MED15: variants seen among roughly 807,000 people sequenced by gnomAD.
The protein encoded by MED15 is mediator complex subunit 15.
A neutral mutation model predicts 118.7 loss-of-function variants in MED15; 41 were observed. That is an observed-to-expected ratio of 0.35 (90% confidence interval 0.27 to 0.45). The LOEUF is 0.45. Ranked by LOEUF, MED15 falls within the 20% of genes least tolerant of loss-of-function variation. The probability of loss-of-function intolerance (pLI) is 1.00; values close to 1 mark genes in which losing one functional copy is unlikely to be tolerated. For synonymous variants in MED15, 436 were observed against 413.9 expected (o/e 1.05, Z -0.65); for missense variants, 740 against 1,025.5 (o/e 0.72, Z 3.80).
intron 9 of MED15, among the ~76,000 whole-genome samples, chr22:20,581,121 C>G (rs1469731455): frequency 1.3e-5 from 2 of 152,214 alleles, no homozygotes; most frequent in Admixed American, 6.5e-5. Flanking sequence ...TGCCTTAGCC[C>G]CCCACCCCCT....
At chr22:20,584,007 A>G in intron 13 of MED15, 1 of 315,346 alleles carries the variant, frequency 3.2e-6, no homozygotes, top group Non-Finnish European at 6.0e-6. Context: ...ATAGAATGCC[A>G]GTCACTATTG....
intron 9 of MED15, among the ~76,000 whole-genome samples, chr22:20,576,446 C>T (rs2056826429): frequency 6.6e-6 from 1 of 152,238 alleles, no homozygotes; most frequent in South Asian, 2.1e-4. Flanking sequence ...AAGCCTGGTG[C>T]CACACACCAC....
intron 7 of MED15, 68 bp from the exon 8 acceptor site, chr22:20,568,453 A>T: frequency 4.5e-6 from 7 of 1,569,778 alleles, no homozygotes; most frequent in Non-Finnish European, 6.0e-6. Flanking sequence ...CTAAGCTTCC[A>T]CAGGAAGACT....
At chr22:20,553,008 C>A in intron 3 of MED15, 137 bp from the exon 4 acceptor site, 1 of 747,716 alleles carries the variant, frequency 1.3e-6, no homozygotes, top group East Asian at 2.7e-5. Context: ...AAACACTTCC[C>A]CCAGTAGTGG....
chr22:20,562,416 ACT>A (rs1490382672), intron 5 of MED15, among the ~76,000 whole-genome samples: 1 of 151,940 alleles, frequency 6.6e-6, no homozygotes, highest in African/African-American at 2.4e-5. Flanking sequence ...ACAGAGTCTC[ACT>A]CTGTCACCCA....
intron 5 of MED15, among the ~76,000 whole-genome samples, chr22:20,556,896 ATC>A (rs1372776518): frequency 6.6e-6 from 1 of 152,170 alleles, no homozygotes; most frequent in Non-Finnish European, 1.5e-5. Flanking sequence ...TTTAAATTCA[ATC>A]TGATACCCTT....
At chr22:20,569,170 A>ATG (rs1183158635) in intron 8 of MED15, among the ~76,000 whole-genome samples, 5 of 152,006 alleles carry the variant, frequency 3.3e-5, no homozygotes, top group Non-Finnish European at 5.9e-5. Context: ...CATGTGTGGA[A>ATG]TGTGTGTGTG....
At chr22:20,537,446 T>G (rs2055124133) in intron 2 of MED15, among the ~76,000 whole-genome samples, 1 of 152,164 alleles carries the variant, frequency 6.6e-6, no homozygotes, top group Non-Finnish European at 1.5e-5. Flanking sequence ...GCCGTCACCT[T>G]CCATCTGTGG....
intron 1 of MED15, among the ~76,000 whole-genome samples, chr22:20,535,853 T>C (rs765506401): frequency 2.8e-5 from 4 of 141,824 alleles, no homozygotes; most frequent in Admixed American, 7.2e-5. Context: ...GCCACCGTGC[T>C]CAGCCTGCTT....
intron 1 of MED15, among the ~76,000 whole-genome samples, chr22:20,534,736 T>C (rs1215617174): frequency 6.6e-6 from 1 of 152,170 alleles, no homozygotes; most frequent in African/African-American, 2.4e-5. Flanking sequence ...CCTGAGAGCA[T>C]GAGTACAGGG....
chr22:20,570,519 G>A (rs976039112), intron 8 of MED15, among the ~76,000 whole-genome samples: 5 of 150,140 alleles, frequency 3.3e-5, no homozygotes, highest in Non-Finnish European at 5.9e-5. Context: ...AGCCTCCCAA[G>A]TAGCTGGGAC....
In MED15 at chr22:20,564,429, G is replaced by A. The variant is rs200291850; in HGVS notation, c.452-21G>A. ...GGGAATCTGCCCTGTGGACTGACTG[G>A]CGACTCTGGTCTTTTCTCAGCCCAG... is the stretch of plus-strand genomic sequence containing the variant. On this transcript the variant is annotated intron_variant, in intron 5 of 17. Coordinates refer to ENST00000263205, the MANE Select transcript of MED15 (RefSeq NM_001003891.3). 109 of 1,613,146 alleles carry A rather than the reference G, an allele frequency of 6.8e-5. 1 individual carries two copies. Among genetic ancestry groups the A allele is most frequent in the Non-Finnish European group, 5.9e-6 (7 of 1,179,390 alleles).
chr22:20,540,631 A>G (rs538911499), intron 2 of MED15, among the ~76,000 whole-genome samples: 3 of 152,152 alleles, frequency 2.0e-5, no homozygotes, highest in Non-Finnish European at 4.4e-5. Context: ...TTTACAAGCT[A>G]AAACTATAAA....
At chr22:20,546,490 T>TCGTTA (rs1287971657) in intron 2 of MED15, among the ~76,000 whole-genome samples, 1 of 151,216 alleles carries the variant, frequency 6.6e-6, no homozygotes, top group Non-Finnish European at 1.5e-5. Context: ...TCTCCCACAT[T>TCGTTA]CGTTACATGG....
intron 2 of MED15, among the ~76,000 whole-genome samples, chr22:20,546,129 C>G (rs1046449440): frequency 6.6e-6 from 1 of 152,130 alleles, no homozygotes; most frequent in Non-Finnish European, 1.5e-5. Context: ...AGGATCCAAA[C>G]GAGGGTCTTT....
At chr22:20,566,907 C>G (rs1173616683) in intron 7 of MED15, 90 bp downstream of exon 7, 7 of 1,553,170 alleles carry the variant, frequency 4.5e-6, no homozygotes, top group Middle Eastern at 1.7e-4. Context: ...ATAGCATATC[C>G]TATTCTTCAA....
At position 20,540,500 on chromosome 22, in the gene MED15, G is replaced by A. The variant is rs548233656; in HGVS notation, c.156+3296G>A. 2.0e-4 allele frequency among the ~76,000 whole-genome samples: 30 copies of A among 152,246 alleles called. No individual in the cohort carries two copies. In the South Asian group the frequency reaches 6.2e-3, roughly 32 times the overall value. On this transcript the variant is annotated intron_variant, in intron 2 of 17. Coordinates refer to ENST00000263205, the MANE Select transcript of MED15 (RefSeq NM_001003891.3). ...GAGGCTGGAGGGTCACTTGATCCCAGGAGTTTGAGATTACAGTAAGCTATG... is the reference window on the plus strand; with the variant it reads ...GAGGCTGGAGGGTCACTTGATCCCAAGAGTTTGAGATTACAGTAAGCTATG...
At chr22:20,584,165 G>A in intron 13 of MED15, 194 bp from the exon 14 acceptor site, 1 of 612,552 alleles carries the variant, frequency 1.6e-6, no homozygotes, top group Non-Finnish European at 2.9e-6. Context: ...ACCTCACTCT[G>A]CCAACCAGGG....
At chr22:20,556,528 G>A (rs2056013939) in intron 5 of MED15, among the ~76,000 whole-genome samples, 1 of 152,098 alleles carries the variant, frequency 6.6e-6, no homozygotes, top group South Asian at 2.1e-4. Context: ...TCAAACTCCT[G>A]ACCTCAAGTG....
Sources: allele counts gnomAD v4.1 joint callset (sites outside exome capture counted in the v4.1 genomes callset), GRCh38; gene constraint gnomAD v4.1.1; transcripts MANE v1.5; gene names NCBI Gene and HGNC (gene_info 2026-07-23, HGNC 2026-07-21).